Variants in SEC23B observed in about 807,000 individuals in gnomAD.
SEC23B encodes the protein SEC23 homolog B, COPII component, also known as protein transport protein Sec23B.
In SEC23B, 77 loss-of-function variants were observed where a neutral mutation model predicts 104.3. That is an observed-to-expected ratio of 0.74 (90% CI 0.61 to 0.89). The LOEUF (loss-of-function observed/expected upper bound fraction) is 0.89, where lower values mean the gene tolerates loss of function less well. SEC23B is among the 40% of genes least tolerant of loss of function. The pLI, the probability that SEC23B is intolerant of heterozygous loss-of-function variation, is 0.00. For synonymous variants in SEC23B, 338 were observed against 332.5 expected, an observed-to-expected ratio of 1.02 and a Z score of -0.18; for missense variants, 885 against 949.4, an observed-to-expected ratio of 0.93 and a Z score of 0.89.
In SEC23B at chr20:18,551,074, T is replaced by A; in HGVS notation, c.1906-15T>A. The A allele has an allele frequency of 6.4e-7, 1 of 1,569,284 alleles. No homozygotes were observed. Among genetic ancestry groups the A allele is most frequent in the Non-Finnish European group, 8.7e-7 (1 of 1,146,630 alleles). ...AGGGAAGACCAATGCCATCTTTCTC[T>A]CTCTTTTTCTTCAGCCAGTACTCTT... On this transcript the variant is annotated splice_polypyrimidine_tract_variant and intron_variant, in intron 16 of 19. Transcript: ENST00000650089.
chr20:18,559,085 G>GT lies in SEC23B; in HGVS notation c.2215-1566_2215-1565insT, dbSNP rs201169667. 3.3e-5 allele frequency among the ~76,000 whole-genome samples: 5 copies of GT among 151,168 alleles called. No individual in the cohort carries two copies. The East Asian group carries it at 5.8e-4, about 18-fold the overall frequency. ...CTGACAGGGAAGGTGGTTGGTGGGG[G>GT]GGGTGTCGGGGGCACTGGTGGGCTC... On this transcript the variant is annotated intron_variant, in intron 19 of 19. Transcript: ENST00000650089.
chr20:18,519,701 T>G (rs2060066003), intron 4 of SEC23B, among the ~76,000 whole-genome samples: 1 of 152,176 alleles, frequency 6.6e-6, no homozygotes, highest in South Asian at 2.1e-4. Context: ...ATTTAGGATC[T>G]GTGGGGTCAG....
intron 10 of SEC23B, 97 bp downstream of exon 10, chr20:18,530,900 C>G: frequency 1.0e-6 from 1 of 970,884 alleles, no homozygotes; most frequent in Non-Finnish European, 1.6e-6. Context: ...CCTCAGCGTC[C>G]TAAAGTGCTG....
chr20:18,535,776 T>C lies in SEC23B; in HGVS notation c.1404+34T>C, dbSNP rs774203541. On this transcript the variant is annotated intron_variant, in intron 12 of 19. Transcript: ENST00000650089. ...GATTTCTTCACATGTCTTCATGTCT[T>C]AGTGTCCTGTTTTGTGATTTATCTC... 1.1e-5 allele frequency: 16 copies of C among 1,488,676 alleles called. No individual in the cohort carries two copies. The South Asian group carries it at 1.7e-4, about 16-fold the overall frequency. The allele number at this position is 1,488,676 out of a possible 1,614,324, so 92.2% of individuals were successfully genotyped here.
intron 11 of SEC23B, 104 bp downstream of exon 11, chr20:18,532,848 G>T (rs1417850634): frequency 6.1e-6 from 5 of 824,746 alleles, no homozygotes; most frequent in Non-Finnish European, 8.4e-6. Context: ...GGATGTGTCT[G>T]CAGTGACAGG....
intron 18 of SEC23B, among the ~76,000 whole-genome samples, chr20:18,554,804 G>A (rs1197748671): frequency 1.4e-5 from 2 of 140,124 alleles, no homozygotes; most frequent in Admixed American, 7.5e-5. Context: ...TCCAGCTGGG[G>A]CTACAGAGTG....
Position 18,554,524 on chromosome 20 carries a change from C to A in SEC23B, c.2148+134C>A, listed in dbSNP as rs115774563. 3.8e-3 allele frequency: 4,781 copies of A among 1,241,880 alleles called. 93 individuals carry two copies. Among genetic ancestry groups the A allele is most frequent in the South Asian group, 0.034 (2,770 of 80,766 alleles). The allele number at this position is 1,241,880 out of a possible 1,614,324, so 76.9% of individuals were successfully genotyped here. ...CACACAGGTAATCTTCCAAATATGA[C>A]TTCTTTTTAAATGAGTGGTCAGGCC... is the stretch of plus-strand genomic sequence containing the variant. On this transcript the variant is annotated intron_variant, in intron 18 of 19. Coordinates refer to ENST00000650089, the MANE Select transcript of SEC23B (RefSeq NM_006363.6).
intron 14 of SEC23B, 135 bp from the exon 15 acceptor site, chr20:18,545,821 C>T: frequency 1.4e-6 from 1 of 714,302 alleles, no homozygotes. Context: ...AAGTGCTAGT[C>T]TAGGACTTAT....
At chr20:18,547,556 T>C (rs2060344449) in intron 15 of SEC23B, among the ~76,000 whole-genome samples, 1 of 152,098 alleles carries the variant, frequency 6.6e-6, no homozygotes, top group Admixed American at 6.5e-5. Flanking sequence ...TGTCATCCCT[T>C]GTCCCTTTCT....
At chr20:18,551,286 G>T in intron 17 of SEC23B, 111 bp downstream of exon 17, 1 of 666,040 alleles carries the variant, frequency 1.5e-6, no homozygotes, top group Non-Finnish European at 2.6e-6. Context: ...TATGGTTTTT[G>T]TTTTCTTCTC....
Position 18,515,734 on chromosome 20 carries a change from C to A in SEC23B, c.364C>A (p.Gln122Lys). Residue 122 changes from glutamine (Q) to lysine (K), a missense_variant and splice_region_variant, in exon 4 of 20, where the codon CAG becomes AAG. Physicochemically the swap from Gln to Lys is moderately conservative, Grantham distance 53 (BLOSUM62 1). Transcript: ENST00000650089. ...PQFSTIEYVI[Q>K]RGAQSPLIFL... is the part of the protein sequence containing the mutation. The stretch of plus-strand genomic sequence containing the variant: ...GTTTTCTACAATTGAGTACGTGATA[C>A]AGGTAATTTCTTTGTTGTGCATTTA... 6.4e-7 allele frequency: 1 copy of A among 1,573,148 alleles called. No individual in the cohort carries two copies. The highest frequency in any genetic ancestry group is 8.8e-7 in the Non-Finnish European group (1 of 1,142,724).
chr20:18,550,395 G>T (rs767007860), intron 16 of SEC23B, among the ~76,000 whole-genome samples: 1 of 152,028 alleles, frequency 6.6e-6, no homozygotes, highest in Non-Finnish European at 1.5e-5. Flanking sequence ...GGGTTCAAGT[G>T]ATCTGCCTGC....
At chr20:18,534,963 A>G (rs951795059) in intron 11 of SEC23B, among the ~76,000 whole-genome samples, 1 of 152,084 alleles carries the variant, frequency 6.6e-6, no homozygotes, top group African/African-American at 2.4e-5. Flanking sequence ...GCAGATAATA[A>G]ACACCTGCTT....
At chr20:18,520,648 G>A (rs959933826) in intron 4 of SEC23B, among the ~76,000 whole-genome samples, 1 of 152,102 alleles carries the variant, frequency 6.6e-6, no homozygotes, top group Non-Finnish European at 1.5e-5. Context: ...CCAGAGTTGG[G>A]GAGTTTTAAG....
intron 12 of SEC23B, among the ~76,000 whole-genome samples, chr20:18,538,674 T>C (rs1391549404): frequency 6.6e-6 from 1 of 152,204 alleles, no homozygotes; most frequent in Non-Finnish European, 1.5e-5. Context: ...TAGAACTTCT[T>C]TAAAAAATGG....
chr20:18,560,096 T>TG (rs2122197379), intron 19 of SEC23B, among the ~76,000 whole-genome samples: 1 of 150,138 alleles, frequency 6.7e-6, no homozygotes, highest in Non-Finnish European at 1.5e-5. Flanking sequence ...AAGTGTATTA[T>TG]TGTGTGTGTG....
intron 12 of SEC23B, among the ~76,000 whole-genome samples, chr20:18,539,074 A>G (rs952557186): frequency 2.7e-5 from 4 of 149,446 alleles, no homozygotes; most frequent in Admixed American, 2.0e-4. Context: ...TTAGCCACGC[A>G]TCGTGGTGCA....
Position 18,548,727 on chromosome 20 carries a change from T to C in SEC23B, c.1862T>C (p.Ile621Thr). 1.9e-6 allele frequency: 3 copies of C among 1,614,206 alleles called. No homozygotes were observed. The highest frequency in any genetic ancestry group is 2.5e-6 in the Non-Finnish European group (3 of 1,180,042). ...RQDLTQSLIM[I>T]QPILYSYSFH... ...GACCTGACCCAGTCCCTCATCATGA[T>C]CCAGCCCATTCTCTACTCTTACTCC... The change falls in exon 16 of 20, where the codon ATC becomes ACC. Residue 621 changes from isoleucine (I) to threonine (T), a missense_variant. Transcript: ENST00000650089.
chr20:18,548,765 C>T lies in SEC23B; in HGVS notation c.1900C>T (p.Pro634Ser), dbSNP rs755571634. 2 of 1,613,898 alleles carry T rather than the reference C, an allele frequency of 1.2e-6. No individual in the cohort carries two copies. Among genetic ancestry groups the T allele is most frequent in the African/African-American group, 2.7e-5 (2 of 74,882 alleles). Residue 634 changes from proline to serine, a missense_variant, in exon 16 of 20, where the codon CCA (proline) becomes TCA (serine). Physicochemically the swap from Pro to Ser is moderately conservative, Grantham distance 74. Transcript: ENST00000650089. ...ILYSYSFHGP[P>S]EPVLLDSSSI... The stretch of plus-strand genomic sequence containing the variant: ...CTACTCTTACTCCTTTCATGGGCCA[C>T]CAGAGGTGAGGCTCTACCCAAATGC...
Sources: gnomAD v4.1 joint callset for allele counts (sites outside exome capture counted in the v4.1 genomes callset) on GRCh38, gnomAD v4.1.1 for gene constraint, MANE v1.5 for transcripts, NCBI Gene and HGNC (gene_info 2026-07-23, HGNC 2026-07-21) for gene names.